ZPLD1: variants seen among roughly 807,000 people sequenced by gnomAD.
The protein encoded by ZPLD1 is zona pellucida like domain containing 1.
ZPLD1 carries 34 observed loss-of-function variants against 47.2 expected under a neutral mutation model. The ratio of observed to expected loss-of-function variants is 0.72; its 90% CI spans 0.55 to 0.96. ZPLD1 has a LOEUF of 0.96. Among genes scored for constraint, ZPLD1 ranks in the 40% least tolerant of loss-of-function variants. The pLI is 0.00. For missense variants in ZPLD1, 512 were observed against 505.8 expected (o/e 1.01, Z -0.12); for synonymous variants, 176 against 186.2 (o/e 0.95, Z 0.45).
chr3:102,438,638 G>C, intron 3 of ZPLD1, 45 bp downstream of exon 3: 1 of 1,443,318 alleles, frequency 6.9e-7, no homozygotes, highest in African/African-American at 1.4e-5. Context: ...CTGGAAGAGT[G>C]ATTATATTTG....
intron 7 of ZPLD1, among the ~76,000 whole-genome samples, chr3:102,401,912 G>C (rs915714687): frequency 6.6e-6 from 1 of 151,946 alleles, no homozygotes; most frequent in Non-Finnish European, 1.5e-5. Flanking sequence ...CTCATTTTAG[G>C]TTTCAATGGT....
intron 3 of ZPLD1, among the ~76,000 whole-genome samples, chr3:102,443,447 C>T (rs1707211353): frequency 6.6e-6 from 1 of 152,092 alleles, no homozygotes; most frequent in Non-Finnish European, 1.5e-5. Flanking sequence ...AATAGAGATT[C>T]TTTCCATCAA....
At chr3:102,394,522 T>G (rs1016784735) in intron 7 of ZPLD1, among the ~76,000 whole-genome samples, 13 of 150,912 alleles carry the variant, frequency 8.6e-5, no homozygotes, top group Non-Finnish European at 1.8e-4. Context: ...TTTTGTTTCC[T>G]TCCTTTATTT....
At chr3:102,435,192 C>T in intron 1 of ZPLD1, 38 bp downstream of exon 1, 1 of 1,609,968 alleles carries the variant, frequency 6.2e-7, no homozygotes, top group Non-Finnish European at 8.5e-7. Context: ...GATAATAGTT[C>T]ATCAGTTTGT....
At chr3:102,469,324 G>T (rs946877990) in intron 9 of ZPLD1, among the ~76,000 whole-genome samples, 189 bp downstream of exon 9, 1 of 152,164 alleles carries the variant, frequency 6.6e-6, no homozygotes, top group Non-Finnish European at 1.5e-5. Context: ...TTATACCGAG[G>T]ATACAGAGAT....
intron 7 of ZPLD1, among the ~76,000 whole-genome samples, chr3:102,414,187 C>T (rs1409853327): frequency 1.3e-5 from 2 of 151,838 alleles, no homozygotes; most frequent in African/African-American, 4.8e-5. Context: ...AATTTAACTA[C>T]TGGGTTCAGG....
chr3:102,456,329 G>A lies in ZPLD1; in HGVS notation c.464G>A (p.Cys155Tyr). ...CCTGGGCTTCTTTACAAATTTAGTT[G>A]TAGTTATCCATTGGAATACCTGGTT... ...YLPGLLYKFS[C>Y]SYPLEYLVNN... The change falls in exon 5 of 12, where the codon TGT becomes TAT. Residue 155 changes from cysteine (C) to tyrosine (Y), a missense_variant. Physicochemically the swap from Cys to Tyr is radical, Grantham distance 194. Coordinates refer to ENST00000466937, the MANE Select transcript of ZPLD1 (RefSeq NM_001329788.2). 6.2e-7 allele frequency: 1 copy of A among 1,613,554 alleles called. No individual in the cohort carries two copies. Among genetic ancestry groups the A allele is most frequent in the East Asian group, 2.2e-5 (1 of 44,780 alleles).
chr3:102,400,269 A>C (rs536630925), intron 7 of ZPLD1, among the ~76,000 whole-genome samples: 2 of 152,090 alleles, frequency 1.3e-5, no homozygotes, highest in South Asian at 4.2e-4. Context: ...GTCTTGAATG[A>C]TTTTCCTTGA....
chr3:102,456,374 C>T lies in ZPLD1; in HGVS notation c.509C>T (p.Ser170Leu), dbSNP rs145606632. The T allele has an allele frequency of 1.3e-5, 21 of 1,608,008 alleles. No homozygotes were observed. Among genetic ancestry groups the T allele is most frequent in the South Asian group, 2.2e-5 (2 of 89,716 alleles). Residue 170 changes from serine (S) to leucine (L), a missense_variant and splice_region_variant, in exon 5 of 12, where the codon TCG becomes TTG. Ser to Leu is a moderately radical substitution (Grantham distance 145). Transcript: ENST00000466937. ...EYLVNNTQLA[S>L]SSAAISVREN... ...CTGGTTAATAATACCCAGCTTGCTT[C>T]GTAAGTTTGCATTTTATTCCTGCTT...
intron 6 of ZPLD1, among the ~76,000 whole-genome samples, chr3:102,460,298 AG>A (rs1707486906): frequency 6.6e-6 from 1 of 151,924 alleles, no homozygotes; most frequent in Non-Finnish European, 1.5e-5. Flanking sequence ...TTATTTGGAG[AG>A]GAAAAGTTGC....
intron 7 of ZPLD1, among the ~76,000 whole-genome samples, chr3:102,415,040 G>A (rs150257264): frequency 1.7e-4 from 26 of 151,946 alleles, no homozygotes; most frequent in Admixed American, 2.6e-4. Context: ...TACTTGTTGA[G>A]CTGGGAAATC....
intron 5 of ZPLD1, among the ~76,000 whole-genome samples, 171 bp downstream of exon 5, chr3:102,456,545 A>ATATATATCTATCTATCTATC (rs147808575): frequency 1.5e-4 from 22 of 147,144 alleles, no homozygotes; most frequent in Non-Finnish European, 2.7e-4. Flanking sequence ...TTTATCTATT[A>ATATATATCTATCTATCTATC]TATCTATCTA....
chr3:102,464,628 A>C (rs1208877054), intron 8 of ZPLD1, among the ~76,000 whole-genome samples: 2 of 152,208 alleles, frequency 1.3e-5, no homozygotes, highest in Non-Finnish European at 2.9e-5. Flanking sequence ...ATATGTCAAA[A>C]GGAGAGTAAA....
chr3:102,421,766 A>C (rs1009151973), intron 8 of ZPLD1, among the ~76,000 whole-genome samples: 5 of 151,886 alleles, frequency 3.3e-5, no homozygotes, highest in Non-Finnish European at 7.4e-5. Context: ...GAACCAATTA[A>C]TTAAAGCTAG....
chr3:102,471,517 T>C (rs912473566), intron 10 of ZPLD1, among the ~76,000 whole-genome samples: 21 of 152,126 alleles, frequency 1.4e-4, no homozygotes, highest in African/African-American at 4.8e-4. Flanking sequence ...TATAAACATA[T>C]CCTCATGTAT....
chr3:102,458,246 C>T (rs962243446), intron 6 of ZPLD1, among the ~76,000 whole-genome samples: 1 of 151,886 alleles, frequency 6.6e-6, no homozygotes, highest in Middle Eastern at 3.4e-3. Context: ...ATGGTGTTTC[C>T]CTTGGAGGCA....
chr3:102,435,912 G>A (rs1307445471), intron 1 of ZPLD1, among the ~76,000 whole-genome samples: 1 of 152,128 alleles, frequency 6.6e-6, no homozygotes, highest in African/African-American at 2.4e-5. Context: ...AGAGTGCTGG[G>A]ATTACGGGCG....
chr3:102,460,285 T>C (rs776870026), intron 6 of ZPLD1, among the ~76,000 whole-genome samples: 1 of 151,968 alleles, frequency 6.6e-6, no homozygotes, highest in Admixed American at 6.5e-5. Context: ...ATTTTCTGAT[T>C]TGTTATTTGG....
chr3:102,411,726 G>A (rs982370409), intron 7 of ZPLD1, among the ~76,000 whole-genome samples: 1 of 151,692 alleles, frequency 6.6e-6, no homozygotes, highest in African/African-American at 2.4e-5. Context: ...TTCATTTTGG[G>A]TATGGACAAA....
Sources: allele counts gnomAD v4.1 joint callset (sites outside exome capture counted in the v4.1 genomes callset), GRCh38; gene constraint gnomAD v4.1.1; transcripts MANE v1.5; gene names NCBI Gene and HGNC (gene_info 2026-07-23, HGNC 2026-07-21).